The following CTNNA3 variants were observed in gnomAD, a reference collection of about 807,000 sequenced individuals.
CTNNA3 encodes catenin alpha-3.
A neutral mutation model predicts 95.7 loss-of-function variants in CTNNA3; 76 were observed. The observed-to-expected ratio is 0.79, with a 90% CI of 0.66 to 0.96. CTNNA3 has a LOEUF of 0.96. Among genes scored for constraint, CTNNA3 ranks in the 40% least tolerant of loss-of-function variants. The pLI is 0.00. For synonymous variants in CTNNA3, 431 were observed against 374.4 expected (o/e 1.15, Z -1.74); for missense variants, 1,191 against 1,089.8 (o/e 1.09, Z -1.31).
intron 5 of CTNNA3, among the ~76,000 whole-genome samples, chr10:67,446,970 T>C (rs1846775063): frequency 6.6e-6 from 1 of 152,128 alleles, no homozygotes. Flanking sequence ...CCGGGCGTGG[T>C]GGCGGGCGCC....
intron 5 of CTNNA3, among the ~76,000 whole-genome samples, chr10:67,460,272 A>G (rs772295104): frequency 3.8e-4 from 58 of 152,116 alleles, no homozygotes; most frequent in Non-Finnish European, 6.8e-4. Flanking sequence ...CCTGAACCCA[A>G]ATGAATTGAT....
intron 1 of CTNNA3, among the ~76,000 whole-genome samples, chr10:67,759,768 G>A (rs1003198878): frequency 6.6e-6 from 1 of 152,122 alleles, no homozygotes; most frequent in African/African-American, 2.4e-5. Flanking sequence ...ACAGCCACAC[G>A]GCAAGGAAAA....
At chr10:66,003,893 G>T (rs948814187) in intron 15 of CTNNA3, among the ~76,000 whole-genome samples, 4 of 152,126 alleles carry the variant, frequency 2.6e-5, no homozygotes, top group African/African-American at 9.7e-5. Context: ...CACATTTAAG[G>T]GCAGCCATTC....
chr10:67,400,945 C>T (rs1844893727), intron 5 of CTNNA3, among the ~76,000 whole-genome samples: 1 of 152,140 alleles, frequency 6.6e-6, no homozygotes, highest in Admixed American at 6.5e-5. Context: ...AATGTGAGTG[C>T]TTATCTAATA....
chr10:67,431,131 T>C (rs560418883), intron 5 of CTNNA3, among the ~76,000 whole-genome samples: 2 of 152,100 alleles, frequency 1.3e-5, no homozygotes, highest in East Asian at 1.9e-4. Flanking sequence ...TATTTTCACC[T>C]TTGGATATCA....
chr10:65,991,196 T>C (rs2078538187), intron 15 of CTNNA3, among the ~76,000 whole-genome samples: 1 of 152,046 alleles, frequency 6.6e-6, no homozygotes, highest in African/African-American at 2.4e-5. Flanking sequence ...ATGTGTTGTG[T>C]CCTTTTTCCT....
At chr10:66,025,417 T>C (rs1311051508) in intron 15 of CTNNA3, among the ~76,000 whole-genome samples, 22 of 152,166 alleles carry the variant, frequency 1.4e-4, no homozygotes, top group Admixed American at 1.4e-3. Flanking sequence ...TGGAAAACAA[T>C]GTCAAACACC....
At chr10:67,451,879 T>C (rs1277257251) in intron 5 of CTNNA3, among the ~76,000 whole-genome samples, 2 of 152,200 alleles carry the variant, frequency 1.3e-5, no homozygotes, top group African/African-American at 4.8e-5. Flanking sequence ...GCCTATATTT[T>C]ATTCTTCATC....
At chr10:66,876,043 T>C (rs1294835964) in intron 7 of CTNNA3, among the ~76,000 whole-genome samples, 1 of 152,170 alleles carries the variant, frequency 6.6e-6, no homozygotes, top group African/African-American at 2.4e-5. Flanking sequence ...CTCAGTCTCT[T>C]AAGGGAGTGA....
intron 1 of CTNNA3, among the ~76,000 whole-genome samples, chr10:67,675,467 T>G (rs1307717708): frequency 1.3e-5 from 2 of 152,130 alleles, no homozygotes; most frequent in East Asian, 3.8e-4. Flanking sequence ...GTAGGCCACT[T>G]GGAGCATATT....
At chr10:66,446,903 CATT>C (rs2093426317) in intron 11 of CTNNA3, among the ~76,000 whole-genome samples, 1 of 151,844 alleles carries the variant, frequency 6.6e-6, no homozygotes, top group African/African-American at 2.4e-5. Context: ...TTGCAGATGA[CATT>C]ATTGTATATC....
chr10:66,366,978 A>G (rs2092714896), intron 12 of CTNNA3, among the ~76,000 whole-genome samples: 1 of 152,154 alleles, frequency 6.6e-6, no homozygotes, highest in Non-Finnish European at 1.5e-5. Flanking sequence ...TTCTATGGAA[A>G]CTACTCAAGG....
intron 7 of CTNNA3, among the ~76,000 whole-genome samples, chr10:66,844,291 A>G (rs1175789819): frequency 1.3e-5 from 2 of 152,322 alleles, no homozygotes; most frequent in South Asian, 2.1e-4. Context: ...GGTATGTTCT[A>G]TTCCTTGGTT....
At chr10:66,605,239 ACAGT>A (rs2132269233) in intron 10 of CTNNA3, among the ~76,000 whole-genome samples, 1 of 152,288 alleles carries the variant, frequency 6.6e-6, no homozygotes, top group Non-Finnish European at 1.5e-5. Flanking sequence ...CTAAAATAAG[ACAGT>A]CAGAAAAGAA....
At chr10:67,544,393 A>G (rs1171060119) in intron 3 of CTNNA3, among the ~76,000 whole-genome samples, 1 of 151,932 alleles carries the variant, frequency 6.6e-6, no homozygotes, top group Non-Finnish European at 1.5e-5. Flanking sequence ...CCAGCTTACC[A>G]CCATGAGAGA....
intron 7 of CTNNA3, among the ~76,000 whole-genome samples, chr10:66,799,363 G>C (rs1841339277): frequency 6.6e-6 from 1 of 151,224 alleles, no homozygotes; most frequent in Non-Finnish European, 1.5e-5. Context: ...ATGAGTAATA[G>C]AGAGACAAAA....
intron 1 of CTNNA3, among the ~76,000 whole-genome samples, chr10:67,762,185 C>CAA (rs55895053): frequency 5.5e-5 from 4 of 72,314 alleles, no homozygotes; most frequent in Admixed American, 4.7e-4. Flanking sequence ...ATAAATCAGC[C>CAA]AAAAAAAAAA....
At chr10:67,574,342 T>C (rs1454342185) in intron 3 of CTNNA3, among the ~76,000 whole-genome samples, 1 of 152,192 alleles carries the variant, frequency 6.6e-6, no homozygotes. Context: ...TTCCCCTACC[T>C]CTGTGTCCTT....
intron 12 of CTNNA3, among the ~76,000 whole-genome samples, chr10:66,350,094 A>T (rs2092555335): frequency 6.6e-6 from 1 of 152,138 alleles, no homozygotes; most frequent in Non-Finnish European, 1.5e-5. Flanking sequence ...GATTTTTAGT[A>T]TATATTGTTC....
Sources: gnomAD v4.1 joint callset for allele counts (sites outside exome capture counted in the v4.1 genomes callset) on GRCh38, gnomAD v4.1.1 for gene constraint, MANE v1.5 for transcripts, NCBI Gene and HGNC (gene_info 2026-07-23, HGNC 2026-07-21) for gene names.